Variants in XPO4 observed in about 807,000 individuals in gnomAD.
XPO4 encodes the protein exportin-4.
A neutral mutation model predicts 143.0 loss-of-function variants in XPO4; 39 were observed. That is an observed-to-expected ratio of 0.27 (90% confidence interval 0.21 to 0.36). XPO4 has a LOEUF of 0.36. XPO4 is among the 10% of genes least tolerant of loss of function. XPO4 has a pLI of 1.00. For synonymous variants in XPO4, 439 were observed against 474.0 expected (o/e 0.93, Z 0.96); for missense variants, 907 against 1,348.0 (o/e 0.67, Z 5.12).
intron 1 of XPO4, among the ~76,000 whole-genome samples, chr13:20,887,245 A>G: frequency 6.6e-6 from 1 of 152,200 alleles, no homozygotes; most frequent in Non-Finnish European, 1.5e-5. Flanking sequence ...AGATGAGGAC[A>G]GTGGAGGAAA....
At chr13:20,806,787 A>G (rs1283685017) in intron 13 of XPO4, among the ~76,000 whole-genome samples, 1 of 151,902 alleles carries the variant, frequency 6.6e-6, no homozygotes, top group Non-Finnish European at 1.5e-5. Flanking sequence ...TCTTGACCTC[A>G]TGATCTGCCC....
intron 10 of XPO4, 111 bp from the exon 11 acceptor site, chr13:20,809,336 G>A: frequency 7.3e-7 from 1 of 1,363,154 alleles, no homozygotes. Flanking sequence ...AGCAAAAGGA[G>A]AGGGGACACA....
intron 6 of XPO4, among the ~76,000 whole-genome samples, chr13:20,829,293 C>T (rs575380002): frequency 1.3e-5 from 2 of 152,246 alleles, no homozygotes; most frequent in South Asian, 2.1e-4. Flanking sequence ...AAATGTATTT[C>T]ACTTACTGTT....
At chr13:20,892,813 G>C (rs574055637) in intron 1 of XPO4, among the ~76,000 whole-genome samples, 73 of 151,928 alleles carry the variant, frequency 4.8e-4, no homozygotes, top group African/African-American at 1.4e-3. Context: ...CAGCCCAGGA[G>C]TTTGAGGCTG....
chr13:20,894,637 T>C (rs1480288768), intron 1 of XPO4, among the ~76,000 whole-genome samples: 1 of 150,204 alleles, frequency 6.7e-6, no homozygotes, highest in Non-Finnish European at 1.5e-5. Context: ...GGGTCAGGAG[T>C]TCAAGACCAG....
intron 22 of XPO4, 54 bp downstream of exon 22, chr13:20,786,911 T>C (rs373883265): frequency 2.1e-6 from 3 of 1,457,890 alleles, no homozygotes; most frequent in East Asian, 5.1e-5. Flanking sequence ...ATCTCAACAA[T>C]CTCTTTGCAA....
intron 13 of XPO4, among the ~76,000 whole-genome samples, chr13:20,804,284 G>T (rs2059475129): frequency 6.7e-6 from 1 of 150,178 alleles, no homozygotes; most frequent in Non-Finnish European, 1.5e-5. Flanking sequence ...TTGTGCCTAT[G>T]GTGGACGTGT....
chr13:20,801,017 A>T, intron 13 of XPO4, 27 bp from the exon 14 acceptor site: 1 of 1,597,422 alleles, frequency 6.3e-7, no homozygotes, highest in Non-Finnish European at 8.5e-7. Flanking sequence ...GAAGTCATTT[A>T]TTCTTTTATT....
chr13:20,848,000 G>A (rs917407355), intron 4 of XPO4, among the ~76,000 whole-genome samples: 1 of 152,138 alleles, frequency 6.6e-6, no homozygotes, highest in African/African-American at 2.4e-5. Context: ...ATACTTAAGT[G>A]ACTACTTGGA....
chr13:20,843,931 A>C (rs747100935), intron 4 of XPO4, 45 bp from the exon 5 acceptor site: 104 of 1,427,460 alleles, frequency 7.3e-5, no homozygotes, highest in Non-Finnish European at 9.5e-5. Flanking sequence ...TTACTGTTTC[A>C]ACGCTTTGTT....
intron 3 of XPO4, among the ~76,000 whole-genome samples, chr13:20,861,544 C>T (rs1206909767): frequency 1.3e-5 from 2 of 151,974 alleles, no homozygotes; most frequent in Non-Finnish European, 2.9e-5. Context: ...GAGCCACCCA[C>T]CTCAGCCTCC....
chr13:20,808,761 CAT>C (rs1448826274), intron 11 of XPO4, among the ~76,000 whole-genome samples, 180 bp from the exon 12 acceptor site: 6 of 152,250 alleles, frequency 3.9e-5, no homozygotes, highest in African/African-American at 1.2e-4. Flanking sequence ...TTTTTTATAA[CAT>C]AGAATTAAAA....
chr13:20,833,886 G>A (rs1290350995), intron 6 of XPO4, among the ~76,000 whole-genome samples: 2 of 152,074 alleles, frequency 1.3e-5, no homozygotes, highest in African/African-American at 4.8e-5. Flanking sequence ...AGAGGGAGGT[G>A]GTGATGAGAC....
rs981352927 is a variant in XPO4, at chr13:20,780,404, T to C, written c.*3318A>G. ...TTCCCTTCAATACTTTAGGGGTTCA[T>C]AGAAGTATTAACAGAAATGGGAAAC... On this transcript the variant is annotated 3_prime_UTR_variant, in exon 23 of 23. Coordinates refer to ENST00000255305, the MANE Select transcript of XPO4 (RefSeq NM_022459.5). 3 of 152,326 alleles carry C rather than the reference T, an allele frequency of 2.0e-5. No individual in the cohort carries two copies. In the East Asian group the frequency reaches 5.8e-4, roughly 29 times the overall value. 9.4% of individuals were successfully genotyped at this position (152,326 alleles called of 1,614,324 possible). A position where few individuals can be genotyped will look rare whatever the true frequency, so the allele number is the denominator to read the frequency against.
intron 1 of XPO4, chr13:20,879,070 C>G (rs2060381391): frequency 3.1e-6 from 3 of 974,644 alleles, no homozygotes; most frequent in Admixed American, 6.2e-5. Context: ...ACGCAGGGAT[C>G]CAAAGATGAA....
intron 3 of XPO4, among the ~76,000 whole-genome samples, chr13:20,858,614 G>A (rs1290532779): frequency 5.9e-5 from 9 of 152,088 alleles, no homozygotes; most frequent in Non-Finnish European, 4.4e-5. Context: ...GCTCATGCCT[G>A]TAATCTTAGC....
rs1198447660 is a variant in XPO4 at position 20,868,670 on chromosome 13, C to T, written c.101G>A (p.Arg34His). 3.1e-6 allele frequency: 5 copies of T among 1,612,840 alleles called. No individual in the cohort carries two copies. Among genetic ancestry groups the T allele is most frequent in the African/African-American group, 1.3e-5 (1 of 74,844 alleles). The part of the protein sequence containing the change: ...APPSMVNNEQ[R>H]QHAEHIFLSF... Reference sequence around the variant, plus strand: ...TAAGAATATGTGCTCTGCATGCTGGCGTTGTTCATTATTGACCATGGAAGG... The same window carrying T: ...TAAGAATATGTGCTCTGCATGCTGGTGTTGTTCATTATTGACCATGGAAGG... Residue 34 changes from arginine to histidine, a missense_variant, in exon 2 of 23, where the codon CGC becomes CAC. Arg to His is a conservative substitution (Grantham distance 29). Coordinates refer to ENST00000255305, the MANE Select transcript of XPO4 (RefSeq NM_022459.5).
Position 20,802,396 on chromosome 13 carries a change from C to T in XPO4, c.1818-1406G>A, listed in dbSNP as rs925619510. Among the ~76,000 whole-genome samples, 12 of 152,126 alleles carry T rather than the reference C, an allele frequency of 7.9e-5. No homozygotes were observed. In the South Asian group the frequency reaches 2.3e-3, roughly 29 times the overall value. ...GCACACTTCCTATACCACCAGTGCT[C>T]GTTTGAGTTTTTTAAAAAAATTTTT... On this transcript the variant is annotated intron_variant, in intron 13 of 22. Transcript: ENST00000255305.
At chr13:20,858,932 A>G (rs201532724) in intron 3 of XPO4, among the ~76,000 whole-genome samples, 3 of 8,104 alleles carry the variant, frequency 3.7e-4, no homozygotes, top group South Asian at 9.3e-3. Context: ...GTATATATAT[A>G]TATATATATA....
Sources: gnomAD v4.1 joint callset for allele counts (sites outside exome capture counted in the v4.1 genomes callset) on GRCh38, gnomAD v4.1.1 for gene constraint, MANE v1.5 for transcripts, NCBI Gene and HGNC (gene_info 2026-07-23, HGNC 2026-07-21) for gene names.